The following ZNF609 variants were observed in gnomAD, a reference collection of about 807,000 sequenced individuals.
The protein encoded by ZNF609 is zinc finger protein 609.
In ZNF609, 11 loss-of-function variants were observed where a neutral mutation model predicts 109.5. The observed-to-expected ratio is 0.10, with a 90% CI of 0.06 to 0.17. The LOEUF (loss-of-function observed/expected upper bound fraction) is 0.17, where lower values mean the gene tolerates loss of function less well. ZNF609 is among the 10% of genes least tolerant of loss of function. The probability of loss-of-function intolerance (pLI) is 1.00; values close to 1 mark genes in which losing one functional copy is unlikely to be tolerated. For synonymous variants in ZNF609, 646 were observed against 662.0 expected (o/e 0.98, Z 0.37); for missense variants, 1,559 against 1,772.4 (o/e 0.88, Z 2.16).
At chr15:64,602,446 T>A (rs956045341) in intron 2 of ZNF609, among the ~76,000 whole-genome samples, 11 of 152,200 alleles carry the variant, frequency 7.2e-5, no homozygotes, top group African/African-American at 2.7e-4. Context: ...TTTTAAGGAA[T>A]AAGTGAAATG....
intron 2 of ZNF609, among the ~76,000 whole-genome samples, chr15:64,547,223 G>A (rs1006251492): frequency 1.3e-5 from 2 of 152,120 alleles, no homozygotes; most frequent in African/African-American, 4.8e-5. Context: ...CTTATTTCTA[G>A]CAGTTGTTTT....
chr15:64,630,812 A>G (rs1467516546), intron 3 of ZNF609, among the ~76,000 whole-genome samples: 1 of 152,048 alleles, frequency 6.6e-6, no homozygotes, highest in Admixed American at 6.6e-5. Flanking sequence ...TTTGTTTTGT[A>G]AATTATTTTA....
At chr15:64,553,788 C>T (rs991757013) in intron 2 of ZNF609, among the ~76,000 whole-genome samples, 2 of 151,568 alleles carry the variant, frequency 1.3e-5, no homozygotes, top group Non-Finnish European at 2.9e-5. Flanking sequence ...TTAGTAGAGA[C>T]GGGGTTTCAT....
At chr15:64,492,956 G>A (rs760114783) in intron 1 of ZNF609, among the ~76,000 whole-genome samples, 10 of 152,160 alleles carry the variant, frequency 6.6e-5, no homozygotes, top group Non-Finnish European at 1.3e-4. Flanking sequence ...TCCATATTTT[G>A]TGTGTGACCT....
At chr15:64,604,437 T>C (rs960014233) in intron 2 of ZNF609, among the ~76,000 whole-genome samples, 7 of 152,222 alleles carry the variant, frequency 4.6e-5, no homozygotes, top group Admixed American at 3.3e-4. Flanking sequence ...TGGATAGTGA[T>C]ACAGTTGGGT....
intron 5 of ZNF609, among the ~76,000 whole-genome samples, chr15:64,676,693 C>T (rs1896814999): frequency 6.6e-6 from 1 of 152,112 alleles, no homozygotes; most frequent in African/African-American, 2.4e-5. Flanking sequence ...CTCAGCCTCC[C>T]AGAGTGCTGG....
chr15:64,523,244 T>C (rs1465586779), intron 2 of ZNF609, among the ~76,000 whole-genome samples: 1 of 152,228 alleles, frequency 6.6e-6, no homozygotes, highest in Non-Finnish European at 1.5e-5. Context: ...GTATACATCC[T>C]ATACTATGAT....
At chr15:64,576,836 A>G (rs1320023101) in intron 2 of ZNF609, among the ~76,000 whole-genome samples, 7 of 147,230 alleles carry the variant, frequency 4.8e-5, no homozygotes, top group Admixed American at 3.5e-4. Context: ...AAAAAAAAAA[A>G]AAAAAAAAGA....
chr15:64,611,731 C>CT (rs1895718467), intron 2 of ZNF609, among the ~76,000 whole-genome samples: 1 of 151,092 alleles, frequency 6.6e-6, no homozygotes, highest in Non-Finnish European at 1.5e-5. Context: ...CTTGAATTTT[C>CT]TTTTCTTTTT....
chr15:64,541,309 C>G (rs1894256006), intron 2 of ZNF609, among the ~76,000 whole-genome samples: 1 of 150,240 alleles, frequency 6.7e-6, no homozygotes, highest in Admixed American at 6.7e-5. Context: ...CGCCTGTAGT[C>G]CCCGCTACTC....
intron 4 of ZNF609, among the ~76,000 whole-genome samples, chr15:64,671,737 C>G (rs1469648967): frequency 6.6e-6 from 1 of 152,150 alleles, no homozygotes; most frequent in Non-Finnish European, 1.5e-5. Context: ...TAATGCAATT[C>G]CCATGCAGTC....
chr15:64,658,334 A>C (rs1275936949), intron 3 of ZNF609, among the ~76,000 whole-genome samples: 1 of 152,014 alleles, frequency 6.6e-6, no homozygotes, highest in Admixed American at 6.6e-5. Flanking sequence ...AGTAGCTGGG[A>C]TTACAGGCAT....
intron 2 of ZNF609, chr15:64,529,355 C>T (rs2140370464): frequency 1.4e-6 from 1 of 731,316 alleles, no homozygotes; most frequent in Middle Eastern, 3.1e-4. Context: ...CAGCCTTCTC[C>T]ATGGTGGTGA....
intron 3 of ZNF609, chr15:64,652,876 C>CTG: frequency 6.5e-6 from 1 of 153,242 alleles, no homozygotes; most frequent in African/African-American, 2.4e-5. Context: ...ACCTAAGATA[C>CTG]TGCAAGTCTG....
chr15:64,471,372 A>AC (rs902322544), intron 1 of ZNF609: 1 of 151,850 alleles, frequency 6.6e-6, no homozygotes, highest in Non-Finnish European at 1.5e-5. Flanking sequence ...AAAAAAAAAA[A>AC]AAAATTCTAT....
intron 2 of ZNF609, among the ~76,000 whole-genome samples, chr15:64,526,694 A>G (rs533506520): frequency 6.6e-5 from 10 of 152,150 alleles, no homozygotes; most frequent in African/African-American, 2.4e-4. Flanking sequence ...GCTTACTGCA[A>G]TGGCATAATC....
intron 3 of ZNF609, among the ~76,000 whole-genome samples, chr15:64,656,474 C>G (rs988580348): frequency 2.6e-5 from 4 of 152,182 alleles, no homozygotes; most frequent in Admixed American, 2.0e-4. Context: ...CTCCTTCCTA[C>G]TCTCTGACAC....
intron 2 of ZNF609, among the ~76,000 whole-genome samples, chr15:64,572,036 C>T (rs968268077): frequency 1.3e-5 from 2 of 151,998 alleles, no homozygotes; most frequent in Admixed American, 1.3e-4. Flanking sequence ...AAGGAAGTGA[C>T]ATTTAGGCTG....
intron 2 of ZNF609, among the ~76,000 whole-genome samples, chr15:64,557,671 T>C (rs1011226856): frequency 3.9e-5 from 6 of 152,142 alleles, no homozygotes; most frequent in African/African-American, 1.4e-4. Context: ...TTTAGGAAGC[T>C]GAATACTGTT....
Sources: gnomAD v4.1 joint callset for allele counts (sites outside exome capture counted in the v4.1 genomes callset) on GRCh38, gnomAD v4.1.1 for gene constraint, MANE v1.5 for transcripts, NCBI Gene and HGNC (gene_info 2026-07-23, HGNC 2026-07-21) for gene names.